CTNNA3: variants seen among roughly 807,000 people sequenced by gnomAD.
The protein encoded by CTNNA3 is catenin alpha 3, also known as catenin alpha-3.
A neutral mutation model predicts 95.7 loss-of-function variants in CTNNA3; 76 were observed. The ratio of observed to expected loss-of-function variants is 0.79; its 90% CI spans 0.66 to 0.96. The LOEUF is 0.96. CTNNA3 is among the 40% of genes least tolerant of loss of function. The pLI is 0.00. For missense variants in CTNNA3, 1,191 were observed against 1,089.8 expected, an observed-to-expected ratio of 1.09 and a Z score of -1.31; for synonymous variants, 431 against 374.4, an observed-to-expected ratio of 1.15 and a Z score of -1.74.
intron 15 of CTNNA3, among the ~76,000 whole-genome samples, chr10:65,995,186 C>T (rs758395900): frequency 1.3e-5 from 2 of 151,794 alleles, no homozygotes; most frequent in Non-Finnish European, 2.9e-5. Context: ...TCTTGCTGGA[C>T]AATTATTATG....
At chr10:66,247,532 C>T (rs2090384591) in intron 13 of CTNNA3, among the ~76,000 whole-genome samples, 2 of 152,024 alleles carry the variant, frequency 1.3e-5, no homozygotes, top group Admixed American at 6.6e-5. Context: ...AAGTGGAATA[C>T]CTCAACACAT....
chr10:66,206,649 T>C (rs2087774654), intron 13 of CTNNA3, among the ~76,000 whole-genome samples: 1 of 151,934 alleles, frequency 6.6e-6, no homozygotes, highest in African/African-American at 2.4e-5. Context: ...ATATAACCCA[T>C]ATATTAATTA....
intron 1 of CTNNA3, among the ~76,000 whole-genome samples, chr10:67,679,645 C>T (rs867200223): frequency 5.3e-5 from 8 of 152,164 alleles, no homozygotes; most frequent in African/African-American, 1.4e-4. Context: ...AGTAAACTAA[C>T]TTAATTTTCT....
chr10:66,300,783 C>A (rs1184752027), intron 12 of CTNNA3, among the ~76,000 whole-genome samples: 1 of 151,102 alleles, frequency 6.6e-6, no homozygotes, highest in Non-Finnish European at 1.5e-5. Flanking sequence ...AGAAAAAGAG[C>A]AAATAAAATT....
chr10:65,975,282 C>T (rs2078189003), intron 16 of CTNNA3, among the ~76,000 whole-genome samples: 1 of 151,982 alleles, frequency 6.6e-6, no homozygotes, highest in Non-Finnish European at 1.5e-5. Context: ...GGGTGTTTCT[C>T]AAGTTTTCAG....
intron 12 of CTNNA3, among the ~76,000 whole-genome samples, chr10:66,360,232 C>T (rs1034116565): frequency 6.6e-6 from 1 of 151,908 alleles, no homozygotes; most frequent in Non-Finnish European, 1.5e-5. Flanking sequence ...TTTCTCATCC[C>T]TCTATCATGT....
At chr10:67,441,846 G>C (rs1228657572) in intron 5 of CTNNA3, among the ~76,000 whole-genome samples, 1 of 152,104 alleles carries the variant, frequency 6.6e-6, no homozygotes, top group Non-Finnish European at 1.5e-5. Flanking sequence ...ATTATCATAA[G>C]AAGTCATCTG....
At chr10:67,674,981 T>C (rs1840509235) in intron 1 of CTNNA3, among the ~76,000 whole-genome samples, 1 of 152,096 alleles carries the variant, frequency 6.6e-6, no homozygotes, top group African/African-American at 2.4e-5. Flanking sequence ...ACATTCTAGG[T>C]TATTGCCATA....
At chr10:66,554,896 AT>A (rs1038684446) in intron 10 of CTNNA3, among the ~76,000 whole-genome samples, 6 of 150,260 alleles carry the variant, frequency 4.0e-5, no homozygotes, top group Admixed American at 4.0e-4. Flanking sequence ...CTTTTTGGTT[AT>A]TTTTTCTCTG....
At chr10:67,454,627 T>G (rs759860863) in intron 5 of CTNNA3, among the ~76,000 whole-genome samples, 10 of 152,284 alleles carry the variant, frequency 6.6e-5, no homozygotes, top group African/African-American at 2.2e-4. Flanking sequence ...TGATAACCTA[T>G]GCCAAGTCTC....
At chr10:67,324,028 T>C (rs549711639) in intron 5 of CTNNA3, among the ~76,000 whole-genome samples, 6 of 152,276 alleles carry the variant, frequency 3.9e-5, no homozygotes, top group Admixed American at 2.0e-4. Flanking sequence ...TTGTTGTTGG[T>C]ACATAGAAAC....
intron 7 of CTNNA3, among the ~76,000 whole-genome samples, chr10:66,846,577 ATG>A (rs548378811): frequency 4.7e-4 from 71 of 149,724 alleles, no homozygotes; most frequent in Non-Finnish European, 7.4e-4. Context: ...TATATACCAT[ATG>A]TGTGTGTGTG....
At chr10:67,057,185 G>A (rs1171301321) in intron 7 of CTNNA3, among the ~76,000 whole-genome samples, 1 of 151,994 alleles carries the variant, frequency 6.6e-6, no homozygotes, top group Non-Finnish European at 1.5e-5. Flanking sequence ...TTATATTCAA[G>A]GCATACAATG....
intron 1 of CTNNA3, among the ~76,000 whole-genome samples, chr10:67,745,692 A>G (rs1292578511): frequency 6.6e-6 from 1 of 152,154 alleles, no homozygotes; most frequent in East Asian, 1.9e-4. Flanking sequence ...ACTCCATGAA[A>G]AAAACTGTTA....
chr10:66,330,324 G>T (rs1048828174), intron 12 of CTNNA3, among the ~76,000 whole-genome samples: 6 of 151,622 alleles, frequency 4.0e-5, no homozygotes, highest in African/African-American at 1.5e-4. Context: ...GCAGTGTTTG[G>T]TTTTTTGTCC....
At chr10:66,812,905 A>T (rs1841937767) in intron 7 of CTNNA3, among the ~76,000 whole-genome samples, 1 of 152,162 alleles carries the variant, frequency 6.6e-6, no homozygotes, top group Non-Finnish European at 1.5e-5. Context: ...TCAGTTGTAC[A>T]TATCCTCTTG....
intron 7 of CTNNA3, among the ~76,000 whole-genome samples, chr10:67,068,433 G>A (rs577780974): frequency 3.3e-5 from 5 of 152,288 alleles, no homozygotes; most frequent in Admixed American, 6.5e-5. Flanking sequence ...AGTTGAATAC[G>A]TAAGACTAGA....
At chr10:67,173,493 T>A (rs930497042) in intron 7 of CTNNA3, among the ~76,000 whole-genome samples, 3 of 152,206 alleles carry the variant, frequency 2.0e-5, no homozygotes, top group African/African-American at 7.2e-5. Context: ...CTTTATATGT[T>A]TCCTTATATG....
At chr10:67,513,095 A>G (rs780931889) in intron 5 of CTNNA3, among the ~76,000 whole-genome samples, 34 of 152,322 alleles carry the variant, frequency 2.2e-4, no homozygotes, top group Middle Eastern at 3.4e-3. Flanking sequence ...ATGTATAGAT[A>G]AATGTTAAAA....
Sources: allele counts gnomAD v4.1 joint callset (sites outside exome capture counted in the v4.1 genomes callset), GRCh38; gene constraint gnomAD v4.1.1; transcripts MANE v1.5; gene names NCBI Gene and HGNC (gene_info 2026-07-23, HGNC 2026-07-21).